Variants in CDK14 observed in about 807,000 individuals in gnomAD.
CDK14 encodes cyclin-dependent kinase 14.
A neutral mutation model predicts 60.7 loss-of-function variants in CDK14; 34 were observed. The ratio of observed to expected loss-of-function variants is 0.56; its 90% CI spans 0.43 to 0.75. The LOEUF is 0.75. Among genes scored for constraint, CDK14 ranks in the 30% least tolerant of loss-of-function variants. The pLI is 0.00. For synonymous variants in CDK14, 197 were observed against 203.7 expected, an observed-to-expected ratio of 0.97 and a Z score of 0.28; for missense variants, 482 against 564.1, an observed-to-expected ratio of 0.85 and a Z score of 1.47.
chr7:90,729,870 A>G (rs1019346916), intron 3 of CDK14, among the ~76,000 whole-genome samples: 1 of 151,684 alleles, frequency 6.6e-6, no homozygotes, highest in Admixed American at 6.6e-5. Context: ...TAAAAAATAT[A>G]TTTTTTCTTT....
intron 4 of CDK14, among the ~76,000 whole-genome samples, chr7:90,767,662 C>A (rs894154330): frequency 6.6e-6 from 1 of 152,208 alleles, no homozygotes; most frequent in African/African-American, 2.4e-5. Context: ...CCTTTTTATT[C>A]ATTGCCATAT....
At chr7:90,926,342 A>AGAAT (rs930179207) in intron 8 of CDK14, among the ~76,000 whole-genome samples, 1 of 152,218 alleles carries the variant, frequency 6.6e-6, no homozygotes, top group African/African-American at 2.4e-5. Context: ...AATGATACAA[A>AGAAT]GAATGCTTCT....
At chr7:91,022,187 G>T (rs1480454465) in intron 10 of CDK14, among the ~76,000 whole-genome samples, 1 of 152,172 alleles carries the variant, frequency 6.6e-6, no homozygotes, top group Non-Finnish European at 1.5e-5. Context: ...GTCTCTTTGG[G>T]TGATATATTC....
At chr7:90,753,801 T>G (rs1470758332) in intron 4 of CDK14, among the ~76,000 whole-genome samples, 3 of 152,120 alleles carry the variant, frequency 2.0e-5, no homozygotes, top group African/African-American at 7.2e-5. Context: ...ATAAAATCAA[T>G]GTATAAAATC....
chr7:90,888,491 G>T (rs545612191), intron 6 of CDK14, among the ~76,000 whole-genome samples: 1 of 152,238 alleles, frequency 6.6e-6, no homozygotes, highest in Admixed American at 6.5e-5. Context: ...GTCAGCAAAA[G>T]TTATTTCAGG....
chr7:90,740,452 T>C (rs1029196537), intron 3 of CDK14, among the ~76,000 whole-genome samples: 2 of 152,060 alleles, frequency 1.3e-5, no homozygotes, highest in Non-Finnish European at 2.9e-5. Context: ...TCATTGGGTG[T>C]GACCCTAATA....
chr7:90,680,065 G>C (rs1049405080), intron 2 of CDK14, among the ~76,000 whole-genome samples: 5 of 150,154 alleles, frequency 3.3e-5, no homozygotes, highest in Admixed American at 6.7e-5. Context: ...TAGAATTTTT[G>C]TTTATATATA....
chr7:90,703,344 CG>C (rs1374635690), intron 2 of CDK14, among the ~76,000 whole-genome samples: 6 of 152,084 alleles, frequency 3.9e-5, no homozygotes, highest in Non-Finnish European at 7.4e-5. Flanking sequence ...CTTTTACATC[CG>C]GATCTTCTCC....
intron 4 of CDK14, among the ~76,000 whole-genome samples, chr7:90,789,788 C>T (rs1434420423): frequency 1.3e-5 from 2 of 151,878 alleles, no homozygotes; most frequent in Non-Finnish European, 2.9e-5. Context: ...TGGTTCTAGG[C>T]CCAGTGTAGG....
intron 10 of CDK14, among the ~76,000 whole-genome samples, chr7:91,022,367 T>C (rs761097259): frequency 6.6e-6 from 1 of 152,190 alleles, no homozygotes; most frequent in Non-Finnish European, 1.5e-5. Flanking sequence ...TTGTAGGATA[T>C]TTAACAGCAG....
chr7:91,074,684 A>T (rs893629166), intron 11 of CDK14, among the ~76,000 whole-genome samples: 2 of 152,178 alleles, frequency 1.3e-5, no homozygotes, highest in African/African-American at 4.8e-5. Flanking sequence ...ACACAAAAAA[A>T]CCCTTCAAAA....
intron 5 of CDK14, among the ~76,000 whole-genome samples, chr7:90,862,611 A>G (rs1791046092): frequency 6.6e-6 from 1 of 152,168 alleles, no homozygotes; most frequent in African/African-American, 2.4e-5. Context: ...TATTCAGAAA[A>G]TTAGTAAGGA....
chr7:90,767,590 C>A (rs1804616468), intron 4 of CDK14, among the ~76,000 whole-genome samples: 1 of 152,114 alleles, frequency 6.6e-6, no homozygotes, highest in South Asian at 2.1e-4. Flanking sequence ...GTTTTCTATT[C>A]CTTTGCTGCC....
At chr7:91,129,843 C>T (rs1009409817) in intron 14 of CDK14, among the ~76,000 whole-genome samples, 17 of 152,000 alleles carry the variant, frequency 1.1e-4, no homozygotes, top group East Asian at 3.9e-4. Flanking sequence ...TATAGTGAAA[C>T]GTGTCAACCT....
chr7:90,897,082 C>T (rs1436593860), intron 6 of CDK14, among the ~76,000 whole-genome samples: 1 of 152,000 alleles, frequency 6.6e-6, no homozygotes, highest in Non-Finnish European at 1.5e-5. Flanking sequence ...TTTTCCGTTT[C>T]TTCTTTGATG....
chr7:90,914,515 T>C (rs1013098346), intron 7 of CDK14, among the ~76,000 whole-genome samples: 7 of 152,170 alleles, frequency 4.6e-5, no homozygotes, highest in Admixed American at 2.6e-4. Context: ...GCACATATGG[T>C]TGGCACTTAA....
chr7:91,166,524 T>G (rs1247788465), intron 14 of CDK14, among the ~76,000 whole-genome samples: 1 of 152,228 alleles, frequency 6.6e-6, no homozygotes, highest in Non-Finnish European at 1.5e-5. Flanking sequence ...TAGAAAGCAT[T>G]CAGATTATTT....
chr7:91,030,339 C>T (rs562241693), intron 10 of CDK14, among the ~76,000 whole-genome samples: 1 of 152,212 alleles, frequency 6.6e-6, no homozygotes, highest in East Asian at 1.9e-4. Flanking sequence ...TTTTTTAGAA[C>T]AGGTAAATGT....
At chr7:90,822,149 T>C (rs1383291439) in intron 5 of CDK14, among the ~76,000 whole-genome samples, 2 of 152,262 alleles carry the variant, frequency 1.3e-5, no homozygotes, top group Non-Finnish European at 2.9e-5. Context: ...GAGACTGTTT[T>C]TGGTATTTTT....
Sources: gnomAD v4.1 joint callset for allele counts (sites outside exome capture counted in the v4.1 genomes callset) on GRCh38, gnomAD v4.1.1 for gene constraint, MANE v1.5 for transcripts, NCBI Gene and HGNC (gene_info 2026-07-23, HGNC 2026-07-21) for gene names.